Variants in P3H2 observed in about 807,000 individuals in gnomAD.
P3H2 encodes prolyl 3-hydroxylase 2.
In P3H2, 80 loss-of-function variants were observed where a neutral mutation model predicts 87.0. The ratio of observed to expected loss-of-function variants is 0.92; its 90% CI spans 0.77 to 1.11. P3H2 has a LOEUF of 1.11. Ranked by LOEUF, P3H2 falls within the 50% of genes least tolerant of loss-of-function variation. The pLI is 0.00. For synonymous variants in P3H2, 367 were observed against 359.3 expected (o/e 1.02, Z -0.24); for missense variants, 1,001 against 923.9 (o/e 1.08, Z -1.08).
At chr3:189,974,156 A>G in intron 9 of P3H2, 152 bp from the exon 10 acceptor site, 1 of 664,528 alleles carries the variant, frequency 1.5e-6, no homozygotes, top group Non-Finnish European at 2.7e-6. Flanking sequence ...TATTCTTTTA[A>G]TTAAAAGAGA....
intron 1 of P3H2, among the ~76,000 whole-genome samples, chr3:190,056,139 G>A (rs1726146996): frequency 2.0e-5 from 3 of 152,198 alleles, no homozygotes; most frequent in Admixed American, 6.5e-5. Context: ...TGTGAAGGAC[G>A]TAGTGAGAAG....
chr3:190,002,516 T>C (rs1376494898), intron 1 of P3H2, among the ~76,000 whole-genome samples: 1 of 151,914 alleles, frequency 6.6e-6, no homozygotes, highest in Non-Finnish European at 1.5e-5. Flanking sequence ...TTCTCCTGCC[T>C]CAGCCTCCCA....
chr3:190,071,752 T>A (rs895233304), intron 1 of P3H2, among the ~76,000 whole-genome samples: 5 of 152,088 alleles, frequency 3.3e-5, no homozygotes, highest in Non-Finnish European at 7.4e-5. Flanking sequence ...CACGTCAAAT[T>A]AGTTCTGGTA....
chr3:190,055,202 C>T (rs573542524), intron 1 of P3H2, among the ~76,000 whole-genome samples: 15 of 152,298 alleles, frequency 9.8e-5, no homozygotes, highest in South Asian at 6.2e-4. Context: ...ATCTTACAAT[C>T]GGGAATAACT....
chr3:190,047,530 T>TATCTTATG (rs1725844255), intron 1 of P3H2, among the ~76,000 whole-genome samples: 1 of 152,078 alleles, frequency 6.6e-6, no homozygotes, highest in African/African-American at 2.4e-5. Context: ...AACATAAGAG[T>TATCTTATG]TCCTGCAAAT....
At chr3:189,982,153 TGAA>T (rs1399304667) in intron 8 of P3H2, among the ~76,000 whole-genome samples, 1 of 152,146 alleles carries the variant, frequency 6.6e-6, no homozygotes, top group African/African-American at 2.4e-5. Context: ...ATGCAGCAGG[TGAA>T]GAAGAGAAAA....
chr3:190,103,955 C>A (rs1711732751), intron 1 of P3H2, among the ~76,000 whole-genome samples: 1 of 152,008 alleles, frequency 6.6e-6, no homozygotes. Flanking sequence ...CCACATCTGG[C>A]TAATTTTTGT....
At chr3:190,041,108 CTA>C (rs146930683) in intron 1 of P3H2, among the ~76,000 whole-genome samples, 28,125 of 45,044 alleles carry the variant, frequency 0.62, 7,758 homozygotes, top group East Asian at 0.74. Flanking sequence ...TATATATATA[CTA>C]TATATATATA....
intron 1 of P3H2, among the ~76,000 whole-genome samples, chr3:190,106,671 C>A (rs1225901951): frequency 6.6e-6 from 1 of 151,982 alleles, no homozygotes; most frequent in East Asian, 1.9e-4. Context: ...TATGTCAGAA[C>A]TTTTTTTGAC....
At chr3:189,997,045 C>T (rs142733355) in intron 1 of P3H2, among the ~76,000 whole-genome samples, 9 of 152,258 alleles carry the variant, frequency 5.9e-5, no homozygotes, top group African/African-American at 9.6e-5. Context: ...ATTTTTGAGA[C>T]GGAGTCTTGC....
At chr3:190,088,620 A>T (rs1200438178) in intron 1 of P3H2, among the ~76,000 whole-genome samples, 1 of 152,228 alleles carries the variant, frequency 6.6e-6, no homozygotes, top group African/African-American at 2.4e-5. Flanking sequence ...GAACATTAAC[A>T]GAGACCAGAT....
At chr3:190,022,922 G>A (rs1724971349) in intron 1 of P3H2, among the ~76,000 whole-genome samples, 1 of 152,020 alleles carries the variant, frequency 6.6e-6, no homozygotes, top group Non-Finnish European at 1.5e-5. Context: ...CACCTCCCGG[G>A]TTCACGCCAT....
At chr3:190,094,885 A>G (rs1188353797) in intron 1 of P3H2, among the ~76,000 whole-genome samples, 1 of 152,216 alleles carries the variant, frequency 6.6e-6, no homozygotes, top group East Asian at 1.9e-4. Context: ...AGGAATGACT[A>G]GAACAATTAT....
chr3:190,006,286 T>C (rs1052575277), intron 1 of P3H2, among the ~76,000 whole-genome samples: 6 of 152,210 alleles, frequency 3.9e-5, no homozygotes, highest in Non-Finnish European at 7.3e-5. Flanking sequence ...AGTCCCACTG[T>C]TTCATTTTAC....
chr3:190,036,433 C>T (rs1725427259), intron 1 of P3H2, among the ~76,000 whole-genome samples: 1 of 151,888 alleles, frequency 6.6e-6, no homozygotes, highest in South Asian at 2.1e-4. Context: ...GTGCAAATGA[C>T]TATGCCTTAA....
At chr3:190,033,551 C>T (rs1370468725) in intron 1 of P3H2, among the ~76,000 whole-genome samples, 1 of 152,084 alleles carries the variant, frequency 6.6e-6, no homozygotes, top group African/African-American at 2.4e-5. Context: ...TCAGTAATCT[C>T]ATGTTTAGTA....
intron 13 of P3H2, chr3:189,969,813 C>T (rs1334440495): frequency 6.2e-7 from 1 of 1,603,578 alleles, no homozygotes; most frequent in Non-Finnish European, 8.5e-7. Flanking sequence ...AGGCCTGTTC[C>T]ACCAATTATT....
At chr3:190,025,559 T>C (rs1200434878) in intron 1 of P3H2, among the ~76,000 whole-genome samples, 1 of 152,200 alleles carries the variant, frequency 6.6e-6, no homozygotes, top group Non-Finnish European at 1.5e-5. Flanking sequence ...ATGCGGATAA[T>C]GTAAATTGGC....
intron 1 of P3H2, among the ~76,000 whole-genome samples, chr3:190,051,909 T>C (rs1725996040): frequency 6.6e-6 from 1 of 152,168 alleles, no homozygotes; most frequent in African/African-American, 2.4e-5. Flanking sequence ...GGAATGCCAT[T>C]TGAAAGGCTT....
Sources: allele counts gnomAD v4.1 joint callset (sites outside exome capture counted in the v4.1 genomes callset), GRCh38; gene constraint gnomAD v4.1.1; transcripts MANE v1.5; gene names NCBI Gene and HGNC (gene_info 2026-07-23, HGNC 2026-07-21).